The following CAMK2D variants were observed in gnomAD, a reference collection of about 807,000 sequenced individuals.
CAMK2D encodes calcium/calmodulin dependent protein kinase II delta, also known as calcium/calmodulin-dependent protein kinase type II subunit delta.
In CAMK2D, 37 loss-of-function variants were observed where a neutral mutation model predicts 84.0. The ratio of observed to expected loss-of-function variants is 0.44; its 90% CI spans 0.34 to 0.58. CAMK2D has a LOEUF of 0.58. CAMK2D is among the 20% of genes least tolerant of loss of function. CAMK2D has a pLI of 0.02. For synonymous variants in CAMK2D, 202 were observed against 212.5 expected, an observed-to-expected ratio of 0.95 and a Z score of 0.43; for missense variants, 448 against 652.5, an observed-to-expected ratio of 0.69 and a Z score of 3.41.
chr4:113,691,527 C>T (rs547076621), intron 2 of CAMK2D, among the ~76,000 whole-genome samples: 6 of 152,072 alleles, frequency 3.9e-5, no homozygotes, highest in South Asian at 2.1e-4. Context: ...CCAAGGTGGG[C>T]GGATCACTTG....
chr4:113,716,813 T>A (rs1022170548), intron 2 of CAMK2D, among the ~76,000 whole-genome samples: 1 of 152,194 alleles, frequency 6.6e-6, no homozygotes, highest in Admixed American at 6.5e-5. Context: ...ATGAGCAGAA[T>A]GTTTAGCTTT....
intron 5 of CAMK2D, 43 bp downstream of exon 5, chr4:113,551,988 T>C: frequency 1.1e-6 from 1 of 895,024 alleles, no homozygotes; most frequent in Non-Finnish European, 1.8e-6. Flanking sequence ...AAAGTATTAT[T>C]TGAATGTTGA....
At chr4:113,602,876 A>G (rs1185984491) in intron 4 of CAMK2D, among the ~76,000 whole-genome samples, 1 of 152,188 alleles carries the variant, frequency 6.6e-6, no homozygotes, top group Non-Finnish European at 1.5e-5. Context: ...TAGAGGGAAA[A>G]CAATTTTTCA....
intron 19 of CAMK2D, 77 bp downstream of exon 19, chr4:113,457,258 C>T (rs2097314289): frequency 1.3e-6 from 2 of 1,562,652 alleles, no homozygotes; most frequent in Non-Finnish European, 1.7e-6. Context: ...ATATACCATG[C>T]TATTAACAAT....
At chr4:113,653,126 C>T (rs550841307) in intron 3 of CAMK2D, among the ~76,000 whole-genome samples, 138 of 152,008 alleles carry the variant, frequency 9.1e-4, no homozygotes, top group African/African-American at 3.2e-3. Flanking sequence ...ATTTAACTTT[C>T]TACCAAGAAT....
chr4:113,490,727 T>A (rs566379921), intron 16 of CAMK2D, among the ~76,000 whole-genome samples: 1 of 149,744 alleles, frequency 6.7e-6, no homozygotes, highest in South Asian at 2.1e-4. Flanking sequence ...GTAAATTACC[T>A]TGGGCAGTAT....
At position 113,713,294 on chromosome 4, in the gene CAMK2D, G is replaced by T. The variant is rs74819083; in HGVS notation, c.160+46026C>A. 4.4e-3 allele frequency among the ~76,000 whole-genome samples: 674 copies of T among 151,584 alleles called. 9 individuals are homozygous for T. Among genetic ancestry groups the T allele is most frequent in the African/African-American group, 0.016 (650 of 41,390 alleles). On this transcript the variant is annotated intron_variant, in intron 2 of 20. Coordinates refer to ENST00000511664, the MANE Select transcript of CAMK2D (RefSeq NM_001321571.2). Reference sequence around the variant, plus strand: ...GAATGAAAATTGTCAATTTTTCTAGGTATTATCAAATGGTTTTCAAAGTGA... The same window carrying T: ...GAATGAAAATTGTCAATTTTTCTAGTTATTATCAAATGGTTTTCAAAGTGA...
intron 3 of CAMK2D, among the ~76,000 whole-genome samples, chr4:113,631,083 G>A (rs2099087651): frequency 2.0e-5 from 3 of 152,088 alleles, no homozygotes. Context: ...TGGAGTCCAG[G>A]GGCTATCTAT....
At chr4:113,562,843 T>C (rs2098704455) in intron 4 of CAMK2D, among the ~76,000 whole-genome samples, 1 of 152,258 alleles carries the variant, frequency 6.6e-6, no homozygotes. Flanking sequence ...TATAGGCATA[T>C]ATGGCTTTAT....
At chr4:113,716,296 A>G (rs2099513163) in intron 2 of CAMK2D, among the ~76,000 whole-genome samples, 1 of 152,200 alleles carries the variant, frequency 6.6e-6, no homozygotes, top group Non-Finnish European at 1.5e-5. Context: ...ATTATACACT[A>G]AAAGAAAGTA....
At chr4:113,653,110 C>T (rs1005968877) in intron 3 of CAMK2D, among the ~76,000 whole-genome samples, 2 of 151,588 alleles carry the variant, frequency 1.3e-5, no homozygotes, top group East Asian at 3.9e-4. Flanking sequence ...CTTAAAAAGA[C>T]GATAAATTTA....
intron 4 of CAMK2D, among the ~76,000 whole-genome samples, chr4:113,584,866 A>G (rs1166137765): frequency 6.6e-6 from 1 of 152,206 alleles, no homozygotes; most frequent in African/African-American, 2.4e-5. Flanking sequence ...CTTAAGAAAA[A>G]AAAAGTTTTC....
chr4:113,747,892 G>A (rs1386608817), intron 2 of CAMK2D, among the ~76,000 whole-genome samples: 1 of 152,008 alleles, frequency 6.6e-6, no homozygotes, highest in Non-Finnish European at 1.5e-5. Flanking sequence ...CATGTTTCAT[G>A]AAACTCTATA....
intron 3 of CAMK2D, among the ~76,000 whole-genome samples, chr4:113,618,690 T>G (rs1031179971): frequency 1.3e-5 from 2 of 152,176 alleles, no homozygotes; most frequent in Non-Finnish European, 2.9e-5. Context: ...AAATATCAGT[T>G]TATTTCTCCT....
At chr4:113,643,631 G>A (rs184182557) in intron 3 of CAMK2D, among the ~76,000 whole-genome samples, 8 of 152,362 alleles carry the variant, frequency 5.3e-5, no homozygotes, top group Admixed American at 6.5e-5. Flanking sequence ...ATGTACAAAA[G>A]TAAGTGAATG....
intron 4 of CAMK2D, among the ~76,000 whole-genome samples, chr4:113,583,821 A>C (rs2098822026): frequency 6.6e-6 from 1 of 152,170 alleles, no homozygotes. Context: ...AGCATCTTTC[A>C]TGTAGATTAA....
chr4:113,715,091 A>T (rs1175048165), intron 2 of CAMK2D, among the ~76,000 whole-genome samples: 1 of 152,044 alleles, frequency 6.6e-6, no homozygotes, highest in Non-Finnish European at 1.5e-5. Context: ...TTTCTTCTCA[A>T]TTACTTTACA....
intron 2 of CAMK2D, among the ~76,000 whole-genome samples, chr4:113,676,756 T>A (rs1258252114): frequency 6.6e-6 from 1 of 152,160 alleles, no homozygotes; most frequent in Non-Finnish European, 1.5e-5. Flanking sequence ...CAAAGAAAAT[T>A]CTGTACAGAC....
At chr4:113,751,467 T>C (rs1020125951) in intron 2 of CAMK2D, among the ~76,000 whole-genome samples, 3 of 152,268 alleles carry the variant, frequency 2.0e-5, no homozygotes, top group African/African-American at 2.4e-5. Context: ...TCAATGTGTA[T>C]ACATTATCAT....
Sources: gnomAD v4.1 joint callset for allele counts (sites outside exome capture counted in the v4.1 genomes callset) on GRCh38, gnomAD v4.1.1 for gene constraint, MANE v1.5 for transcripts, NCBI Gene and HGNC (gene_info 2026-07-23, HGNC 2026-07-21) for gene names.